Variants in RALGAPB observed in about 807,000 individuals in gnomAD.
RALGAPB encodes ral GTPase-activating protein subunit beta.
In RALGAPB, 25 loss-of-function variants were observed where a neutral mutation model predicts 161.1. The observed-to-expected ratio is 0.16, with a 90% CI of 0.11 to 0.22. The LOEUF (loss-of-function observed/expected upper bound fraction) is 0.22. Among genes scored for constraint, RALGAPB ranks in the 10% least tolerant of loss-of-function variants. The pLI, the probability that RALGAPB is intolerant of heterozygous loss-of-function variation, is 1.00. For synonymous variants in RALGAPB, 629 were observed against 626.1 expected, an observed-to-expected ratio of 1.00 and a Z score of -0.07; for missense variants, 1,391 against 1,815.2, an observed-to-expected ratio of 0.77 and a Z score of 4.25.
In RALGAPB at chr20:38,562,807, T is replaced by G. The variant is rs973943736; in HGVS notation, c.3697+110T>G. ...TCTTGTTAAAAATACAAAACCAGGC[T>G]GGGTACAGTGGCGCATGCCTGTCTT... On this transcript the variant is annotated intron_variant, in intron 24 of 29. Coordinates refer to ENST00000262879, the MANE Select transcript of RALGAPB (RefSeq NM_020336.4). 5.7e-6 allele frequency: 7 copies of G among 1,231,364 alleles called. No individual in the cohort carries two copies. The East Asian group carries it at 1.6e-4, about 28-fold the overall frequency. The allele number at this position is 1,231,364 out of a possible 1,614,324, so 76.3% of individuals were successfully genotyped here. A position where few individuals can be genotyped will look rare whatever the true frequency, so the allele number is the denominator to read the frequency against.
At chr20:38,510,889 G>A (rs1054232112) in intron 6 of RALGAPB, among the ~76,000 whole-genome samples, 2 of 116,710 alleles carry the variant, frequency 1.7e-5, no homozygotes, top group Non-Finnish European at 3.1e-5. Flanking sequence ...CAGCCTGGGC[G>A]ACAGAGCGAG....
At chr20:38,554,876 G>A (rs1289859714) in intron 22 of RALGAPB, among the ~76,000 whole-genome samples, 2 of 152,162 alleles carry the variant, frequency 1.3e-5, no homozygotes, top group Non-Finnish European at 2.9e-5. Context: ...CCAGGAGTTC[G>A]AGACCAGTCT....
In RALGAPB at chr20:38,578,433, A is replaced by C. The variant is rs1018622189; in HGVS notation, c.*3466A>C. 6.6e-6 allele frequency: 1 copy of C among 152,606 alleles called. No individual in the cohort carries two copies. 9.5% of individuals were successfully genotyped at this position (152,606 alleles called of 1,614,324 possible). ...AATTTGGGATTCCACAGTGCCTTGC[A>C]TATAGTAGGCGCCCAGTAAATACTT... On this transcript the variant is annotated 3_prime_UTR_variant, in exon 30 of 30. Transcript: ENST00000262879.
intron 15 of RALGAPB, 30 bp from the exon 16 acceptor site, chr20:38,535,044 G>A (rs1568950835): frequency 6.2e-7 from 1 of 1,609,730 alleles, no homozygotes; most frequent in Admixed American, 1.7e-5. Context: ...TTCCCTCCCT[G>A]TGGGATGTGG....
At chr20:38,541,993 A>G (rs2086985841) in intron 18 of RALGAPB, among the ~76,000 whole-genome samples, 1 of 152,198 alleles carries the variant, frequency 6.6e-6, no homozygotes, top group Non-Finnish European at 1.5e-5. Flanking sequence ...CTTGAAAAAG[A>G]GTAGCAGAGA....
chr20:38,537,487 A>G (rs2086842072), intron 16 of RALGAPB, among the ~76,000 whole-genome samples: 1 of 152,174 alleles, frequency 6.6e-6, no homozygotes, highest in Non-Finnish European at 1.5e-5. Flanking sequence ...CCTAAACAAT[A>G]AAACTTCTAG....
intron 13 of RALGAPB, 146 bp downstream of exon 13, chr20:38,526,188 T>A: frequency 1.1e-6 from 1 of 886,160 alleles, no homozygotes; most frequent in Admixed American, 2.7e-5. Flanking sequence ...TTTTTTAATG[T>A]AAAAAAATTT....
chr20:38,496,546 C>T (rs1026767100), intron 3 of RALGAPB, among the ~76,000 whole-genome samples: 2 of 152,170 alleles, frequency 1.3e-5, no homozygotes, highest in African/African-American at 4.8e-5. Context: ...TCTCAAAATT[C>T]TCAGTGGTCT....
intron 2 of RALGAPB, among the ~76,000 whole-genome samples, chr20:38,490,499 C>A (rs1297284550): frequency 6.7e-6 from 1 of 150,356 alleles, no homozygotes; most frequent in Non-Finnish European, 1.5e-5. Flanking sequence ...TGAGCCACCG[C>A]GCCCGGCCTA....
At chr20:38,493,172 T>C in intron 3 of RALGAPB, 40 bp downstream of exon 3, 1 of 1,490,020 alleles carries the variant, frequency 6.7e-7, no homozygotes, top group South Asian at 1.2e-5. Flanking sequence ...ATCAGGGTCA[T>C]AGTAAAATAT....
intron 1 of RALGAPB, among the ~76,000 whole-genome samples, chr20:38,482,128 G>A (rs935987275): frequency 1.3e-5 from 2 of 152,082 alleles, no homozygotes; most frequent in Non-Finnish European, 2.9e-5. Flanking sequence ...TATATTATAT[G>A]CTATATTCTT....
Position 38,574,843 on chromosome 20 carries a change from C to G in RALGAPB, c.4361C>G (p.Pro1454Arg). The change falls in exon 30 of 30, where the codon CCC (proline) becomes CGC (arginine). Residue 1454 changes from proline (P) to arginine (R), a missense_variant. Transcript: ENST00000262879. ...RKRLESDSYSPPHVRRKQKIT... is the reference protein window; with the variant it reads ...RKRLESDSYSRPHVRRKQKIT... ...AGACTGGAAAGTGACTCCTACAGTC[C>G]CCCCCATGTCCGCCGGAAACAGAAA... is the stretch of plus-strand genomic sequence containing the variant. 6.2e-7 allele frequency: 1 copy of G among 1,613,460 alleles called. No homozygotes were observed. The highest frequency in any genetic ancestry group is 8.5e-7 in the Non-Finnish European group (1 of 1,179,498).
rs752341352 is a variant in RALGAPB at position 38,554,023 on chromosome 20, A to T, written c.3319A>T (p.Thr1107Ser). 1.2e-5 allele frequency: 20 copies of T among 1,613,832 alleles called. No individual in the cohort carries two copies. The highest frequency in any genetic ancestry group is 1.5e-5 in the Non-Finnish European group (18 of 1,179,924). The part of the protein sequence containing the change: ...KPPPPAQEFQ[T>S]ARLFLSHFGF... Reference sequence around the variant, plus strand: ...CCCGCCTCCTGCCCAGGAATTCCAAACAGCCCGCCTTTTTCTCTCACACTT... The same window carrying T: ...CCCGCCTCCTGCCCAGGAATTCCAATCAGCCCGCCTTTTTCTCTCACACTT... The change falls in exon 22 of 30, where the codon ACA becomes TCA. Residue 1107 changes from threonine to serine, a missense_variant. Thr to Ser is a moderately conservative substitution (Grantham distance 58). Around this residue, in one of 3 missense-constraint regions of RALGAPB, gnomAD observed 436 missense variants for 527.0 expected, o/e 0.83. Coordinates refer to ENST00000262879, the MANE Select transcript of RALGAPB (RefSeq NM_020336.4).
At chr20:38,521,273 A>G (rs1485413912) in intron 9 of RALGAPB, among the ~76,000 whole-genome samples, 2 of 152,216 alleles carry the variant, frequency 1.3e-5, no homozygotes. Context: ...TTCTTGTACC[A>G]TCTGTTAAAC....
intron 14 of RALGAPB, among the ~76,000 whole-genome samples, chr20:38,531,975 A>G (rs1460613838): frequency 6.6e-6 from 1 of 152,142 alleles, no homozygotes; most frequent in Admixed American, 6.5e-5. Flanking sequence ...AACTAACCCT[A>G]GTATTGTTTG....
intron 14 of RALGAPB, among the ~76,000 whole-genome samples, chr20:38,532,160 A>G (rs927312484): frequency 2.6e-5 from 4 of 152,228 alleles, no homozygotes; most frequent in Non-Finnish European, 5.9e-5. Context: ...GGTTCCTGCC[A>G]TTCTTCTGCC....
chr20:38,566,235 C>T (rs1425995237), intron 25 of RALGAPB, among the ~76,000 whole-genome samples: 9 of 152,178 alleles, frequency 5.9e-5, no homozygotes, highest in Admixed American at 2.0e-4. Flanking sequence ...CTCTAGGCCC[C>T]TCCCTGTCTT....
intron 6 of RALGAPB, among the ~76,000 whole-genome samples, chr20:38,509,878 T>C (rs574703934): frequency 1.3e-5 from 2 of 152,380 alleles, no homozygotes; most frequent in East Asian, 3.9e-4. Flanking sequence ...TTACTCTTTA[T>C]GACCTTTTTA....
chr20:38,575,180 GATA>G lies in RALGAPB; in HGVS notation c.*216_*218del. On this transcript the variant is annotated 3_prime_UTR_variant, in exon 30 of 30. Coordinates refer to ENST00000262879, the MANE Select transcript of RALGAPB (RefSeq NM_020336.4). ...TCCCAGACACAATCACACTCCTGCT[GATA>G]ATGATGATATACATTTTAGCCATAA... 3.9e-6 allele frequency: 2 copies of G among 506,664 alleles called. No individual in the cohort carries two copies. The highest frequency in any genetic ancestry group is 3.2e-5 in the East Asian group (1 of 31,288). 31.4% of individuals were successfully genotyped at this position (506,664 alleles called of 1,614,324 possible).
Sources: allele counts gnomAD v4.1 joint callset (sites outside exome capture counted in the v4.1 genomes callset), GRCh38; gene constraint gnomAD v4.1.1; regional missense constraint gnomAD v4.1.1; transcripts MANE v1.5; gene names NCBI Gene and HGNC (gene_info 2026-07-23, HGNC 2026-07-21).